Variants in LRP1B observed in about 807,000 individuals in gnomAD.
LRP1B encodes the protein LDL receptor related protein 1B.
A neutral mutation model predicts 556.6 loss-of-function variants in LRP1B; 217 were observed. That is an observed-to-expected ratio of 0.39 (90% confidence interval 0.35 to 0.44). The LOEUF is 0.44. LRP1B is among the 20% of genes least tolerant of loss of function. The pLI is 1.00. For synonymous variants in LRP1B, 2,047 were observed against 1,865.8 expected (o/e 1.10, Z -2.50); for missense variants, 5,053 against 5,620.8 (o/e 0.90, Z 3.23).
chr2:142,117,597 ATTTGTGTGTGTGTGTG>A (rs1707317987), intron 1 of LRP1B, among the ~76,000 whole-genome samples: 1 of 151,226 alleles, frequency 6.6e-6, no homozygotes, highest in Non-Finnish European at 1.5e-5. Context: ...ATGGATTTTT[ATTTGTGTGTGTGTGTG>A]TTTGTGTGTG....
intron 2 of LRP1B, among the ~76,000 whole-genome samples, chr2:141,734,337 T>C (rs911738209): frequency 4.6e-5 from 7 of 152,134 alleles, no homozygotes; most frequent in Admixed American, 4.6e-4. Flanking sequence ...TTAAGCTATA[T>C]AAATTGTTCA....
At chr2:140,321,861 C>CTAAACTGATGATGGAACA in intron 82 of LRP1B, 102 bp downstream of exon 82, 1 of 1,187,200 alleles carries the variant, frequency 8.4e-7, no homozygotes, top group Non-Finnish European at 1.2e-6. Context: ...ATCAAGGTAG[C>CTAAACTGATGATGGAACA]TAAACTGATG....
chr2:141,513,551 T>C (rs1684203597), intron 2 of LRP1B, among the ~76,000 whole-genome samples: 1 of 152,186 alleles, frequency 6.6e-6, no homozygotes, highest in Non-Finnish European at 1.5e-5. Context: ...AGCTTTATTC[T>C]TTGGTATTAA....
At chr2:141,852,419 A>G (rs947295151) in intron 1 of LRP1B, among the ~76,000 whole-genome samples, 2 of 151,812 alleles carry the variant, frequency 1.3e-5, no homozygotes, top group Non-Finnish European at 2.9e-5. Context: ...CATATATGAT[A>G]GGCTTCTAAA....
intron 66 of LRP1B, among the ~76,000 whole-genome samples, chr2:140,435,038 C>T (rs549224114): frequency 6.6e-6 from 1 of 152,220 alleles, no homozygotes; most frequent in South Asian, 2.1e-4. Flanking sequence ...CATAATCAAT[C>T]ATATAGGCAT....
intron 41 of LRP1B, among the ~76,000 whole-genome samples, chr2:140,675,843 T>C (rs1193770652): frequency 6.6e-6 from 1 of 152,174 alleles, no homozygotes; most frequent in Non-Finnish European, 1.5e-5. Flanking sequence ...TATATGTACA[T>C]ATATTGTAAT....
chr2:141,506,766 C>T (rs996161122), intron 2 of LRP1B, among the ~76,000 whole-genome samples: 1 of 151,978 alleles, frequency 6.6e-6, no homozygotes, highest in African/African-American at 2.4e-5. Context: ...TCAAAATATC[C>T]TTTAAAGTCT....
intron 41 of LRP1B, among the ~76,000 whole-genome samples, chr2:140,663,502 G>T (rs192562458): frequency 6.6e-6 from 1 of 152,290 alleles, no homozygotes; most frequent in East Asian, 1.9e-4. Context: ...GACGGCTTCT[G>T]TTCTTAAACC....
chr2:142,069,699 T>G (rs1232177045), intron 1 of LRP1B, among the ~76,000 whole-genome samples: 1 of 151,716 alleles, frequency 6.6e-6, no homozygotes, highest in Non-Finnish European at 1.5e-5. Context: ...TGCGAAAAGG[T>G]TTTGCATGCG....
chr2:140,537,987 G>A (rs1285164291), intron 45 of LRP1B, among the ~76,000 whole-genome samples: 5 of 151,998 alleles, frequency 3.3e-5, no homozygotes, highest in Non-Finnish European at 7.4e-5. Context: ...ATAATTGTAC[G>A]TTTAAATCCA....
At chr2:142,050,109 T>C (rs2105229974) in intron 1 of LRP1B, among the ~76,000 whole-genome samples, 1 of 152,276 alleles carries the variant, frequency 6.6e-6, no homozygotes, top group Non-Finnish European at 1.5e-5. Flanking sequence ...TGTTAATTTT[T>C]TCCTGTTGAA....
chr2:141,240,029 A>G (rs988510714), intron 5 of LRP1B, among the ~76,000 whole-genome samples: 1 of 152,114 alleles, frequency 6.6e-6, no homozygotes, highest in Non-Finnish European at 1.5e-5. Flanking sequence ...TCCAAAGAGT[A>G]CTAAGATATA....
At chr2:141,225,502 A>G (rs2105285516) in intron 6 of LRP1B, among the ~76,000 whole-genome samples, 1 of 152,286 alleles carries the variant, frequency 6.6e-6, no homozygotes, top group South Asian at 2.1e-4. Flanking sequence ...TCCTTACCAC[A>G]GTATTCTCCA....
At chr2:140,685,905 T>C (rs1455050822) in intron 41 of LRP1B, among the ~76,000 whole-genome samples, 1 of 151,944 alleles carries the variant, frequency 6.6e-6, no homozygotes, top group Non-Finnish European at 1.5e-5. Flanking sequence ...AGGCAGCAAA[T>C]AAGGAAGTGA....
At chr2:140,365,814 G>T (rs568079810) in intron 71 of LRP1B, among the ~76,000 whole-genome samples, 73 of 151,664 alleles carry the variant, frequency 4.8e-4, no homozygotes, top group African/African-American at 1.7e-3. Context: ...CTTACTGAAG[G>T]TATTAACATA....
intron 3 of LRP1B, among the ~76,000 whole-genome samples, chr2:141,400,778 TA>T (rs1366864093): frequency 6.6e-6 from 1 of 152,204 alleles, no homozygotes; most frequent in African/African-American, 2.4e-5. Context: ...ATCAAATATT[TA>T]ATTTCACCTT....
chr2:140,875,420 C>T (rs189899960), intron 25 of LRP1B, among the ~76,000 whole-genome samples: 1 of 152,150 alleles, frequency 6.6e-6, no homozygotes, highest in East Asian at 1.9e-4. Flanking sequence ...TTATAGATTG[C>T]TTATAAGATT....
At chr2:140,862,117 T>A (rs1692816122) in intron 27 of LRP1B, among the ~76,000 whole-genome samples, 1 of 152,226 alleles carries the variant, frequency 6.6e-6, no homozygotes, top group Non-Finnish European at 1.5e-5. Flanking sequence ...CCTTCCTTTT[T>A]AGCCTTAAAT....
At chr2:142,024,620 GTT>G (rs3041443) in intron 1 of LRP1B, among the ~76,000 whole-genome samples, 1 of 131,024 alleles carries the variant, frequency 7.6e-6, no homozygotes, top group African/African-American at 2.9e-5. Flanking sequence ...CAGCTGAAAT[GTT>G]TTTTTTTTTT....
Sources: gnomAD v4.1 joint callset for allele counts (sites outside exome capture counted in the v4.1 genomes callset) on GRCh38, gnomAD v4.1.1 for gene constraint, MANE v1.5 for transcripts, NCBI Gene and HGNC (gene_info 2026-07-23, HGNC 2026-07-21) for gene names.